PTCHD4: variants seen among roughly 807,000 people sequenced by gnomAD.
PTCHD4 encodes the protein patched domain-containing protein 4.
PTCHD4 carries 33 observed loss-of-function variants against 58.1 expected under a neutral mutation model. The ratio of observed to expected loss-of-function variants is 0.57; its 90% CI spans 0.43 to 0.76. The LOEUF is 0.76. Among genes scored for constraint, PTCHD4 ranks in the 30% least tolerant of loss-of-function variants. The pLI, the probability that PTCHD4 is intolerant of heterozygous loss-of-function variation, is 0.00. For synonymous variants in PTCHD4, 478 were observed against 409.6 expected (o/e 1.17, Z -2.02); for missense variants, 1,058 against 1,027.1 (o/e 1.03, Z -0.41).
chr6:48,018,506 A>G (rs963624970), intron 3 of PTCHD4, among the ~76,000 whole-genome samples: 7 of 152,374 alleles, frequency 4.6e-5, no homozygotes, highest in African/African-American at 1.7e-4. Context: ...AGACCAAGTC[A>G]TGTGTCTGCC....
intron 1 of PTCHD4, among the ~76,000 whole-genome samples, chr6:48,095,687 TCAAAAACAAACAAACAAAAA>T: frequency 7.2e-6 from 1 of 139,378 alleles, no homozygotes; most frequent in Non-Finnish European, 1.5e-5. Flanking sequence ...AGACTCCGTC[TCAAAAACAAACAAACAAAAA>T]CAAAAACAAA....
At chr6:48,047,116 T>G (rs1159935640) in intron 3 of PTCHD4, among the ~76,000 whole-genome samples, 1 of 151,776 alleles carries the variant, frequency 6.6e-6, no homozygotes, top group Non-Finnish European at 1.5e-5. Context: ...GAATAAAGTT[T>G]AATAAATGAA....
chr6:48,102,054 TAG>T (rs1255047092), intron 1 of PTCHD4, among the ~76,000 whole-genome samples: 1 of 152,222 alleles, frequency 6.6e-6, no homozygotes, highest in South Asian at 2.1e-4. Context: ...TTTCTTAGTC[TAG>T]ACTCAGACCC....
chr6:47,921,264 G>C (rs1765423191), intron 4 of PTCHD4, among the ~76,000 whole-genome samples: 2 of 151,926 alleles, frequency 1.3e-5, no homozygotes, highest in African/African-American at 4.8e-5. Flanking sequence ...CCATTTCTCT[G>C]CTTTGTTTTA....
chr6:47,864,930 TAGA>T lies in PTCHD4; in HGVS notation c.*13370_*13372del, dbSNP rs370683654. 0.67 allele frequency among the ~76,000 whole-genome samples: 101,363 copies of T among 151,702 alleles called. 34,355 individuals are homozygous for T. Among genetic ancestry groups the T allele is most frequent in the East Asian group, 0.78 (4,003 of 5,118 alleles). ...ACATTGCAATACTACATCTTTATGG[TAGA>T]ATAAAAGCATGTGCCTTATACATAA... is the stretch of plus-strand genomic sequence containing the variant. On this transcript the variant is annotated 3_prime_UTR_variant, in exon 5 of 5. Transcript: ENST00000339488.
intron 4 of PTCHD4, among the ~76,000 whole-genome samples, chr6:47,945,693 A>T (rs1345774470): frequency 6.6e-6 from 1 of 151,898 alleles, no homozygotes; most frequent in Non-Finnish European, 1.5e-5. Flanking sequence ...TACTACCTTC[A>T]TATGGCTCAA....
chr6:48,078,027 G>A (rs1765092523), intron 1 of PTCHD4, among the ~76,000 whole-genome samples: 1 of 152,138 alleles, frequency 6.6e-6, no homozygotes, highest in Non-Finnish European at 1.5e-5. Flanking sequence ...CCTACAAATT[G>A]AAGGTTTGTA....
chr6:48,108,932 A>G (rs1013184600), intron 1 of PTCHD4, among the ~76,000 whole-genome samples: 1 of 152,096 alleles, frequency 6.6e-6, no homozygotes, highest in Non-Finnish European at 1.5e-5. Context: ...ACATTATGAA[A>G]AAGAAACAGG....
intron 1 of PTCHD4, among the ~76,000 whole-genome samples, chr6:48,109,461 A>T (rs1765815541): frequency 6.6e-6 from 1 of 152,160 alleles, no homozygotes; most frequent in Non-Finnish European, 1.5e-5. Context: ...ACCTGGAACT[A>T]TGAAATTCCT....
At chr6:47,995,122 A>G (rs1768433679) in intron 4 of PTCHD4, among the ~76,000 whole-genome samples, 1 of 152,200 alleles carries the variant, frequency 6.6e-6, no homozygotes. Flanking sequence ...TTTATAATAA[A>G]TAAAGAAAGG....
intron 4 of PTCHD4, among the ~76,000 whole-genome samples, chr6:47,941,382 C>A (rs541656410): frequency 1.5e-3 from 228 of 152,262 alleles, no homozygotes; most frequent in African/African-American, 5.3e-3. Context: ...CTTCTCAGTC[C>A]TTTATCCTCT....
chr6:47,960,940 T>G (rs1274801564), intron 4 of PTCHD4, among the ~76,000 whole-genome samples: 1 of 149,000 alleles, frequency 6.7e-6, no homozygotes, highest in Non-Finnish European at 1.5e-5. Context: ...TCAATTGTCT[T>G]GACCTAGCTG....
rs996238835 is a variant in PTCHD4, at chr6:47,858,557, A to G, written c.*19746T>C. ...TAATTAATAAAGCATTTTTTACCACAGATAATGGAATGCTACTTGACCAAC... is the reference window on the plus strand; with the variant it reads ...TAATTAATAAAGCATTTTTTACCACGGATAATGGAATGCTACTTGACCAAC... On this transcript the variant is annotated 3_prime_UTR_variant, in exon 5 of 5. Coordinates refer to ENST00000339488, the MANE Select transcript of PTCHD4 (RefSeq NM_001384253.1). Among the ~76,000 whole-genome samples, 2 of 152,054 alleles carry G rather than the reference A, an allele frequency of 1.3e-5. No homozygotes were observed. Among genetic ancestry groups the G allele is most frequent in the Admixed American group, 1.3e-4 (2 of 15,232 alleles).
chr6:47,932,592 A>T (rs1247666231), intron 4 of PTCHD4, among the ~76,000 whole-genome samples: 1 of 152,260 alleles, frequency 6.6e-6, no homozygotes, highest in Non-Finnish European at 1.5e-5. Context: ...GAGTCTAATG[A>T]TGAGTTTTAT....
chr6:48,023,825 G>A lies in PTCHD4; in HGVS notation c.418-14711C>T, dbSNP rs572168258. ...TGTTCTTACAAGGTGTTAAGAAATAGACTGAAATCTCTTTCAAGGTCTTCA... is the reference window on the plus strand; with the variant it reads ...TGTTCTTACAAGGTGTTAAGAAATAAACTGAAATCTCTTTCAAGGTCTTCA... On this transcript the variant is annotated intron_variant, in intron 3 of 4. Transcript: ENST00000339488. Among the ~76,000 whole-genome samples the A allele has an allele frequency of 3.7e-4, 56 of 152,282 alleles. 1 individual carries two copies. The highest frequency in any genetic ancestry group is 6.8e-3 in the Middle Eastern group (2 of 294).
chr6:47,989,485 G>A (rs1768202348), intron 4 of PTCHD4, among the ~76,000 whole-genome samples: 2 of 152,188 alleles, frequency 1.3e-5, no homozygotes, highest in African/African-American at 4.8e-5. Flanking sequence ...TAGTGGTTTC[G>A]TGGATGGAGT....
At chr6:48,008,078 A>T (rs1762524955) in intron 4 of PTCHD4, among the ~76,000 whole-genome samples, 1 of 152,212 alleles carries the variant, frequency 6.6e-6, no homozygotes, top group Admixed American at 6.5e-5. Context: ...AGATGAAAAA[A>T]ATTAGAGGAT....
chr6:48,002,975 T>C (rs1768795753), intron 4 of PTCHD4, among the ~76,000 whole-genome samples: 1 of 152,092 alleles, frequency 6.6e-6, no homozygotes. Context: ...AATCACTCTC[T>C]TGTTCCTTCA....
rs758148370 is a variant in PTCHD4, at chr6:48,008,866, G to T, written c.666C>A (p.Asp222Glu). The T allele has an allele frequency of 5.6e-6, 9 of 1,613,910 alleles. No homozygotes were observed. The East Asian group carries it at 1.3e-4, about 24-fold the overall frequency. The change falls in exon 4 of 5, where the codon GAC becomes GAA. Residue 222 changes from aspartate (D) to glutamate (E), a missense_variant. Asp to Glu is a conservative substitution (Grantham distance 45). Transcript: ENST00000339488. ...TGGCCAGGATGCTGGTCTTATGAAAGTCCCTCCAGAGGCTAAAGGATGCTA... is the reference window on the plus strand; with the variant it reads ...TGGCCAGGATGCTGGTCTTATGAAATTCCCTCCAGAGGCTAAAGGATGCTA... ...YSLASFSLWR[D>E]FHKTSILARS...
Sources: allele counts gnomAD v4.1 joint callset (sites outside exome capture counted in the v4.1 genomes callset), GRCh38; gene constraint gnomAD v4.1.1; transcripts MANE v1.5; gene names NCBI Gene and HGNC (gene_info 2026-07-23, HGNC 2026-07-21).